Variants in DDHD1 observed in about 807,000 individuals in gnomAD.
DDHD1 encodes phospholipase DDHD1.
Under a neutral mutation model 96.4 loss-of-function variants are expected in DDHD1, and 49 were observed. The observed-to-expected ratio is 0.51, with a 90% CI of 0.40 to 0.64. DDHD1 has a LOEUF of 0.64. DDHD1 is among the 30% of genes least tolerant of loss of function. DDHD1 has a pLI of 0.00. For missense variants in DDHD1, 1,106 were observed against 1,161.2 expected, an observed-to-expected ratio of 0.95 and a Z score of 0.69; for synonymous variants, 442 against 446.5, an observed-to-expected ratio of 0.99 and a Z score of 0.13.
At chr14:53,066,396 C>T (rs1884018999) in intron 6 of DDHD1, among the ~76,000 whole-genome samples, 1 of 152,082 alleles carries the variant, frequency 6.6e-6, no homozygotes, top group Admixed American at 6.5e-5. Context: ...AAGTGATCTG[C>T]CTGCCTTGGC....
chr14:53,074,850 G>C (rs1884818689), intron 4 of DDHD1, among the ~76,000 whole-genome samples: 1 of 152,018 alleles, frequency 6.6e-6, no homozygotes, highest in Non-Finnish European at 1.5e-5. Context: ...GTCTATTAGT[G>C]CATTTTTCCA....
At chr14:53,131,272 C>A (rs764697844) in intron 1 of DDHD1, among the ~76,000 whole-genome samples, 4 of 152,130 alleles carry the variant, frequency 2.6e-5, no homozygotes, top group Non-Finnish European at 5.9e-5. Flanking sequence ...TGTATCCCCC[C>A]ACCTTAACCC....
intron 1 of DDHD1, among the ~76,000 whole-genome samples, chr14:53,113,601 T>C (rs529569945): frequency 5.5e-4 from 83 of 151,364 alleles, no homozygotes; most frequent in African/African-American, 2.0e-3. Context: ...AGAAGCATGG[T>C]GGTGCGTCAC....
intron 2 of DDHD1, among the ~76,000 whole-genome samples, chr14:53,094,855 A>T (rs1047327625): frequency 3.3e-5 from 5 of 151,916 alleles, no homozygotes; most frequent in African/African-American, 4.8e-5. Context: ...AAAAAAAAAA[A>T]AAAATCAGTA....
chr14:53,152,828 A>C lies in DDHD1; in HGVS notation c.271T>G (p.Phe91Val). 1 of 1,611,576 alleles carries C rather than the reference A, an allele frequency of 6.2e-7. No individual in the cohort carries two copies. Among genetic ancestry groups the C allele is most frequent in the Non-Finnish European group, 8.5e-7 (1 of 1,179,304 alleles). Residue 91 changes from phenylalanine (F) to valine (V), a missense_variant, in exon 1 of 13, where the codon TTC (phenylalanine) becomes GTC (valine). This residue lies in a region of DDHD1 where 456 missense variants were observed against 402.4 expected (regional missense o/e 1.13). Transcript: ENST00000673822. ...GAGGAGCCCGACTCGGCGGAGCTGA[A>C]GTCATAGTTCTCGTCACTGAGGCAG... ...DPCLSDENYD[F>V]SSAESGSSLR...
intron 1 of DDHD1, among the ~76,000 whole-genome samples, chr14:53,134,465 C>T (rs759801227): frequency 9.2e-5 from 14 of 152,054 alleles, no homozygotes; most frequent in South Asian, 4.2e-4. Context: ...TACCTCTCCC[C>T]GGCTATCTCC....
chr14:53,152,205 C>T, intron 1 of DDHD1, 56 bp downstream of exon 1: 1 of 1,491,510 alleles, frequency 6.7e-7, no homozygotes, highest in Non-Finnish European at 9.0e-7. Context: ...CACACCGGTG[C>T]GCATCGGCCC....
intron 11 of DDHD1, 21 bp downstream of exon 11, chr14:53,054,417 G>A: frequency 6.2e-7 from 1 of 1,606,206 alleles, no homozygotes; most frequent in South Asian, 1.1e-5. Flanking sequence ...ATCAACTTAA[G>A]GAAATAATGT....
chr14:53,078,016 T>G (rs1885124278), intron 4 of DDHD1, among the ~76,000 whole-genome samples: 1 of 152,224 alleles, frequency 6.6e-6, no homozygotes, highest in Non-Finnish European at 1.5e-5. Context: ...CACTTTTGTT[T>G]AGCCGCTCAT....
chr14:53,121,219 A>G (rs922255294), intron 1 of DDHD1, among the ~76,000 whole-genome samples: 1 of 152,266 alleles, frequency 6.6e-6, no homozygotes, highest in African/African-American at 2.4e-5. Flanking sequence ...ATGCAAATCA[A>G]AACTACAATG....
At chr14:53,055,471 A>C (rs1234695889) in intron 10 of DDHD1, among the ~76,000 whole-genome samples, 189 bp downstream of exon 10, 1 of 152,246 alleles carries the variant, frequency 6.6e-6, no homozygotes, top group African/African-American at 2.4e-5. Flanking sequence ...TAAAACTATA[A>C]GATCTGATCT....
chr14:53,124,906 GGCCTCTCT>G (rs1889314967), intron 1 of DDHD1, among the ~76,000 whole-genome samples: 4 of 152,100 alleles, frequency 2.6e-5, no homozygotes. Flanking sequence ...TTTGATCTAA[GGCCTCTCT>G]CCTTGGCTTG....
At chr14:53,102,567 A>G (rs891379306) in intron 2 of DDHD1, among the ~76,000 whole-genome samples, 3 of 152,098 alleles carry the variant, frequency 2.0e-5, no homozygotes, top group South Asian at 2.1e-4. Flanking sequence ...ATAGACTTTT[A>G]ATCAACTAGA....
chr14:53,062,092 T>A (rs950640960), intron 7 of DDHD1, among the ~76,000 whole-genome samples: 8 of 151,996 alleles, frequency 5.3e-5, no homozygotes, highest in African/African-American at 1.9e-4. Flanking sequence ...TTTCTTTTTT[T>A]AAAGTTTTAC....
rs1882994079 is a variant in DDHD1, at chr14:53,055,775, G to T, written c.2130C>A (p.Thr710=). The T allele has an allele frequency of 6.2e-7, 1 of 1,613,930 alleles. No homozygotes were observed. The highest frequency in any genetic ancestry group is 8.5e-7 in the Non-Finnish European group (1 of 1,180,020). Residue 710 remains threonine, a synonymous_variant, in exon 10 of 13, where the codon ACC becomes ACA. Coordinates refer to ENST00000673822, the MANE Select transcript of DDHD1 (RefSeq NM_001160148.2). Reference sequence around the variant, plus strand: ...AAATGCCTTCATTCTCTGAAACTGAGGTAGGTTCTTTAGCTGGGTTGAGAA... The same window carrying T: ...AAATGCCTTCATTCTCTGAAACTGATGTAGGTTCTTTAGCTGGGTTGAGAA... ...PSFLNPAKEP[T]SVSENEGIST...
chr14:53,121,475 T>C (rs1888980677), intron 1 of DDHD1, among the ~76,000 whole-genome samples: 1 of 152,210 alleles, frequency 6.6e-6, no homozygotes, highest in Non-Finnish European at 1.5e-5. Context: ...TAAAGACACA[T>C]GCACACATAT....
intron 1 of DDHD1, among the ~76,000 whole-genome samples, chr14:53,108,615 T>G (rs928917222): frequency 5.3e-5 from 8 of 152,214 alleles, no homozygotes; most frequent in African/African-American, 1.7e-4. Context: ...AATTTTCCAT[T>G]TAATATTTTT....
intron 1 of DDHD1, among the ~76,000 whole-genome samples, chr14:53,147,445 C>T (rs1891076708): frequency 6.6e-6 from 1 of 152,138 alleles, no homozygotes; most frequent in African/African-American, 2.4e-5. Flanking sequence ...TGCATTATAA[C>T]ATTTTGGCCA....
At chr14:53,058,265 C>T (rs1287325617) in intron 9 of DDHD1, among the ~76,000 whole-genome samples, 1 of 152,194 alleles carries the variant, frequency 6.6e-6, no homozygotes, top group Non-Finnish European at 1.5e-5. Flanking sequence ...CAGGCACCCA[C>T]TACCACGCCC....
Sources: allele counts gnomAD v4.1 joint callset (sites outside exome capture counted in the v4.1 genomes callset), GRCh38; gene constraint gnomAD v4.1.1; regional missense constraint gnomAD v4.1.1; transcripts MANE v1.5; gene names NCBI Gene and HGNC (gene_info 2026-07-23, HGNC 2026-07-21).